Variants in DOCK1 observed in about 807,000 individuals in gnomAD.
DOCK1 encodes the protein dedicator of cytokinesis protein 1.
DOCK1 carries 138 observed loss-of-function variants against 262.7 expected under a neutral mutation model. The observed-to-expected ratio is 0.53, with a 90% CI of 0.46 to 0.61. The LOEUF (loss-of-function observed/expected upper bound fraction) is 0.61. Among genes scored for constraint, DOCK1 ranks in the 20% least tolerant of loss-of-function variants. DOCK1 has a pLI of 0.00. For missense variants in DOCK1, 1,908 were observed against 2,370.7 expected (o/e 0.80, Z 4.05); for synonymous variants, 866 against 867.4 (o/e 1.00, Z 0.03).
intron 10 of DOCK1, among the ~76,000 whole-genome samples, chr10:127,003,947 C>T (rs186303544): frequency 6.7e-4 from 102 of 151,368 alleles, no homozygotes; most frequent in African/African-American, 2.3e-3. Flanking sequence ...GGGAGAGACT[C>T]TGTCTCCCCT....
At chr10:126,951,148 G>C (rs1392639575) in intron 1 of DOCK1, among the ~76,000 whole-genome samples, 1 of 151,782 alleles carries the variant, frequency 6.6e-6, no homozygotes, top group Admixed American at 6.6e-5. Context: ...CATGGTTGTT[G>C]GTGGTAGTAT....
chr10:127,262,439 G>A (rs1369162665), intron 29 of DOCK1, among the ~76,000 whole-genome samples: 2 of 152,142 alleles, frequency 1.3e-5, no homozygotes, highest in African/African-American at 2.4e-5. Flanking sequence ...GTCAGCCACC[G>A]AGGAGGCATT....
At chr10:127,351,326 A>T (rs2133845748) in intron 31 of DOCK1, among the ~76,000 whole-genome samples, 1 of 152,262 alleles carries the variant, frequency 6.6e-6, no homozygotes, top group South Asian at 2.1e-4. Context: ...GGAGTCGGGC[A>T]TGTGTGTTCC....
chr10:127,107,400 A>G (rs2048596858), intron 24 of DOCK1, among the ~76,000 whole-genome samples: 1 of 152,138 alleles, frequency 6.6e-6, no homozygotes, highest in Non-Finnish European at 1.5e-5. Flanking sequence ...GCTGTCCCCC[A>G]CGAATCATTG....
At chr10:127,033,767 T>G (rs777005089) in intron 18 of DOCK1, among the ~76,000 whole-genome samples, 11 of 152,190 alleles carry the variant, frequency 7.2e-5, no homozygotes, top group Non-Finnish European at 1.5e-4. Flanking sequence ...TAGTGGAGCG[T>G]GCACTGAGTG....
At chr10:127,259,467 G>A (rs932283450) in intron 29 of DOCK1, among the ~76,000 whole-genome samples, 2 of 152,192 alleles carry the variant, frequency 1.3e-5, no homozygotes, top group Non-Finnish European at 2.9e-5. Context: ...CAAAAACCCC[G>A]CTGTCCTGGA....
At position 127,352,957 on chromosome 10, in the gene DOCK1, G is replaced by C. The variant is rs910106948; in HGVS notation, c.3225-1712G>C. On this transcript the variant is annotated intron_variant, in intron 31 of 51. Coordinates refer to ENST00000623213, the MANE Select transcript of DOCK1 (RefSeq NM_001290223.2). ...AGAACTCTGTGTAGCTGGGATGTGA[G>C]AAGCATGTGCAGAGCTTGAGTGGGT... Among the ~76,000 whole-genome samples the C allele has an allele frequency of 5.9e-5, 9 of 152,192 alleles. 1 individual carries two copies. The highest frequency in any genetic ancestry group is 1.7e-4 in the African/African-American group (7 of 41,454).
intron 21 of DOCK1, among the ~76,000 whole-genome samples, chr10:127,050,354 T>C (rs1197856861): frequency 6.6e-6 from 1 of 151,584 alleles, no homozygotes; most frequent in Non-Finnish European, 1.5e-5. Context: ...ATTTTCCAAC[T>C]ATTATATATA....
intron 27 of DOCK1, chr10:127,137,695 G>T: frequency 1.5e-6 from 1 of 685,174 alleles, no homozygotes; most frequent in South Asian, 2.2e-5. Flanking sequence ...TGGTACAAAG[G>T]CCTTTTTGGT....
chr10:126,978,095 T>G (rs895204910), intron 3 of DOCK1, 107 bp downstream of exon 3: 2 of 1,107,524 alleles, frequency 1.8e-6, no homozygotes, highest in Non-Finnish European at 2.7e-6. Flanking sequence ...CTATATCTCT[T>G]TCTCTGAATT....
intron 6 of DOCK1, among the ~76,000 whole-genome samples, chr10:126,993,550 G>A (rs1475130123): frequency 6.6e-6 from 1 of 152,228 alleles, no homozygotes; most frequent in Non-Finnish European, 1.5e-5. Context: ...TGCTTTGTTA[G>A]TGAGACATAT....
chr10:126,964,737 T>G (rs2037530552), intron 1 of DOCK1, among the ~76,000 whole-genome samples: 1 of 152,232 alleles, frequency 6.6e-6, no homozygotes, highest in Admixed American at 6.5e-5. Flanking sequence ...TGGCCTTTGA[T>G]GCTTTGGGGA....
chr10:127,001,286 C>T (rs2040577657), intron 10 of DOCK1: 1 of 152,108 alleles, frequency 6.6e-6, no homozygotes, highest in Non-Finnish European at 1.5e-5. Flanking sequence ...CTTAGTCCAT[C>T]CCCCCTGCCT....
intron 23 of DOCK1, among the ~76,000 whole-genome samples, chr10:127,069,537 G>A (rs1424437029): frequency 6.6e-6 from 1 of 152,186 alleles, no homozygotes; most frequent in Admixed American, 6.5e-5. Context: ...AGGAGGGGGT[G>A]CACTGATGGT....
intron 23 of DOCK1, among the ~76,000 whole-genome samples, chr10:127,098,193 A>G (rs2048020021): frequency 6.6e-6 from 1 of 152,230 alleles, no homozygotes; most frequent in Non-Finnish European, 1.5e-5. Context: ...TTAAATAAAG[A>G]TCTTCACTGA....
chr10:127,147,263 C>T (rs560327821), intron 27 of DOCK1, among the ~76,000 whole-genome samples: 5 of 152,198 alleles, frequency 3.3e-5, no homozygotes, highest in South Asian at 2.1e-4. Flanking sequence ...TCACGGGTCG[C>T]GAGGTTTCCC....
chr10:126,945,427 G>C (rs1470047527), intron 1 of DOCK1, among the ~76,000 whole-genome samples: 1 of 151,832 alleles, frequency 6.6e-6, no homozygotes, highest in Non-Finnish European at 1.5e-5. Flanking sequence ...CAGCGGAGAG[G>C]GGGAGAGGGA....
chr10:126,982,026 T>C, intron 4 of DOCK1, 53 bp downstream of exon 4: 2 of 1,561,692 alleles, frequency 1.3e-6, no homozygotes, highest in Non-Finnish European at 1.8e-6. Context: ...ATATTTGGCC[T>C]TGCTGCTCTT....
At chr10:126,994,996 C>A (rs1425661263) in intron 6 of DOCK1, among the ~76,000 whole-genome samples, 3 of 151,658 alleles carry the variant, frequency 2.0e-5, no homozygotes, top group African/African-American at 7.3e-5. Flanking sequence ...TCCTCACCTC[C>A]CAGACGGGGT....
Sources: gnomAD v4.1 joint callset for allele counts (sites outside exome capture counted in the v4.1 genomes callset) on GRCh38, gnomAD v4.1.1 for gene constraint, MANE v1.5 for transcripts, NCBI Gene and HGNC (gene_info 2026-07-23, HGNC 2026-07-21) for gene names.